UMAD1: variants seen among roughly 807,000 people sequenced by gnomAD.
UMAD1 encodes UBAP1-MVB12-associated (UMA)-domain containing protein 1.
A neutral mutation model predicts 6.1 loss-of-function variants in UMAD1; 8 were observed. The ratio of observed to expected loss-of-function variants is 1.30; its 90% CI spans 0.76 to 2.35. The LOEUF (loss-of-function observed/expected upper bound fraction) is 2.35, where lower values mean the gene tolerates loss of function less well. Among genes scored for constraint, UMAD1 ranks in the 30% most tolerant of loss-of-function variants. The probability of loss-of-function intolerance (pLI) is 0.00; values close to 1 mark genes in which losing one functional copy is unlikely to be tolerated. For missense variants in UMAD1, 130 were observed against 78.4 expected, an observed-to-expected ratio of 1.66 and a Z score of -2.49; for synonymous variants, 56 against 31.4, an observed-to-expected ratio of 1.78 and a Z score of -2.61.
intron 1 of UMAD1, among the ~76,000 whole-genome samples, chr7:7,662,453 G>T (rs1785498432): frequency 6.6e-6 from 1 of 152,210 alleles, no homozygotes; most frequent in Non-Finnish European, 1.5e-5. Context: ...CATAGGCACC[G>T]GCGGGAATCT....
intron 2 of UMAD1, among the ~76,000 whole-genome samples, chr7:7,726,976 C>T (rs1781151115): frequency 6.6e-6 from 1 of 152,144 alleles, no homozygotes. Context: ...TGGTTCAGGT[C>T]AGCGGGAAAC....
intron 2 of UMAD1, among the ~76,000 whole-genome samples, chr7:7,769,699 A>G (rs1394116765): frequency 1.3e-5 from 2 of 152,210 alleles, no homozygotes; most frequent in African/African-American, 4.8e-5. Context: ...AGGAAGCAGC[A>G]TGTCCTACGA....
At chr7:7,709,562 A>G (rs527874954) in intron 2 of UMAD1, among the ~76,000 whole-genome samples, 22 of 152,370 alleles carry the variant, frequency 1.4e-4, no homozygotes, top group African/African-American at 5.0e-4. Flanking sequence ...TGCAAGGGCA[A>G]AATGAGGCTT....
Position 7,816,547 on chromosome 7 carries a change from C to T in UMAD1, c.156+14804C>T, listed in dbSNP as rs78799293. Among the ~76,000 whole-genome samples, 1,191 of 152,270 alleles carry T rather than the reference C, an allele frequency of 7.8e-3. 15 individuals carry two copies. Among genetic ancestry groups the T allele is most frequent in the African/African-American group, 0.026 (1,064 of 41,552 alleles). On this transcript the variant is annotated intron_variant, in intron 3 of 3. Transcript: ENST00000682710. ...GCCTTGGGATATATGCCACCAGTGT[C>T]GGTAGCATTCAAGGACATTCTTTGG... is the stretch of plus-strand genomic sequence containing the variant.
intron 3 of UMAD1, among the ~76,000 whole-genome samples, chr7:7,876,928 A>C (rs1024917865): frequency 2.0e-5 from 3 of 152,228 alleles, no homozygotes; most frequent in African/African-American, 7.2e-5. Context: ...CATTGATACA[A>C]GATTTTATAG....
At chr7:7,678,235 C>G (rs1779797696) in intron 2 of UMAD1, among the ~76,000 whole-genome samples, 1 of 145,440 alleles carries the variant, frequency 6.9e-6, no homozygotes, top group African/African-American at 2.5e-5. Flanking sequence ...TCTACACATC[C>G]TTGCCAGCAT....
At chr7:7,794,146 T>G (rs1178982141) in intron 2 of UMAD1, among the ~76,000 whole-genome samples, 1 of 152,180 alleles carries the variant, frequency 6.6e-6, no homozygotes, top group Non-Finnish European at 1.5e-5. Context: ...TAAATCATCT[T>G]TAATTAAAGA....
chr7:7,756,482 C>T (rs572224042), intron 2 of UMAD1, among the ~76,000 whole-genome samples: 36 of 152,240 alleles, frequency 2.4e-4, no homozygotes, highest in African/African-American at 8.7e-4. Context: ...TTTAAGGTTC[C>T]AAAGATGGCC....
At chr7:7,831,862 C>T (rs1159821841) in intron 3 of UMAD1, among the ~76,000 whole-genome samples, 1 of 152,096 alleles carries the variant, frequency 6.6e-6, no homozygotes, top group Non-Finnish European at 1.5e-5. Flanking sequence ...TGCAAATTTT[C>T]TTCTAAATGT....
At chr7:7,676,306 T>C in intron 2 of UMAD1, 1 of 395,024 alleles carries the variant, frequency 2.5e-6, no homozygotes, top group Non-Finnish European at 4.5e-6. Flanking sequence ...AATGAGTTAA[T>C]GTGTGTAAAA....
At chr7:7,848,233 A>G (rs910878454) in intron 3 of UMAD1, among the ~76,000 whole-genome samples, 1 of 152,198 alleles carries the variant, frequency 6.6e-6, no homozygotes, top group African/African-American at 2.4e-5. Context: ...TTGTACTACT[A>G]AATGTTTCAA....
At chr7:7,726,257 T>C (rs1439172761) in intron 2 of UMAD1, among the ~76,000 whole-genome samples, 2 of 152,210 alleles carry the variant, frequency 1.3e-5, no homozygotes, top group Non-Finnish European at 2.9e-5. Context: ...CTATCATCCA[T>C]GGACTCATGG....
intron 2 of UMAD1, among the ~76,000 whole-genome samples, chr7:7,771,257 A>T (rs186410376): frequency 2.0e-5 from 3 of 152,300 alleles, no homozygotes; most frequent in Non-Finnish European, 1.5e-5. Context: ...TAATTAAAAT[A>T]AAGTCTCATC....
At chr7:7,736,427 G>C (rs1471358277) in intron 2 of UMAD1, 1 of 152,898 alleles carries the variant, frequency 6.5e-6, no homozygotes, top group East Asian at 1.9e-4. Flanking sequence ...CACCTGCCGA[G>C]TTTCTACTTC....
intron 2 of UMAD1, among the ~76,000 whole-genome samples, chr7:7,794,437 T>C (rs1190979843): frequency 6.6e-6 from 1 of 152,074 alleles, no homozygotes; most frequent in Non-Finnish European, 1.5e-5. Flanking sequence ...TTAGGTTGAG[T>C]GTGTAAACCA....
In UMAD1 at chr7:7,815,129, G is replaced by A. The variant is rs189382763; in HGVS notation, c.156+13386G>A. ...CTTAGAGAGAAAGATTGTCTCGGGA[G>A]TGATGGTTCCTCACAGTGGCAGATT... On this transcript the variant is annotated intron_variant, in intron 3 of 3. Transcript: ENST00000682710. Among the ~76,000 whole-genome samples, 6 of 152,294 alleles carry A rather than the reference G, an allele frequency of 3.9e-5. No homozygotes were observed. In the South Asian group the frequency reaches 6.2e-4, roughly 16 times the overall value.
intron 3 of UMAD1, among the ~76,000 whole-genome samples, chr7:7,859,076 C>T (rs1186376841): frequency 6.6e-6 from 1 of 152,168 alleles, no homozygotes; most frequent in Non-Finnish European, 1.5e-5. Flanking sequence ...CTCCTCCAAA[C>T]TAAATTGCCT....
intron 3 of UMAD1, among the ~76,000 whole-genome samples, chr7:7,824,950 T>TTTTTG (rs1563236960): frequency 6.6e-6 from 1 of 151,984 alleles, no homozygotes; most frequent in Non-Finnish European, 1.5e-5. Flanking sequence ...TGGGTTTTGT[T>TTTTTG]TTTTTGTTTT....
chr7:7,827,899 CTCT>C (rs1385664730), intron 3 of UMAD1, among the ~76,000 whole-genome samples: 1 of 152,150 alleles, frequency 6.6e-6, no homozygotes, highest in Non-Finnish European at 1.5e-5. Flanking sequence ...TGTTTAACCC[CTCT>C]TCTTATAGGT....
Sources: allele counts gnomAD v4.1 joint callset (sites outside exome capture counted in the v4.1 genomes callset), GRCh38; gene constraint gnomAD v4.1.1; transcripts MANE v1.5; gene names NCBI Gene and HGNC (gene_info 2026-07-23, HGNC 2026-07-21).